The following EMC2 variants were observed in gnomAD, a reference collection of about 807,000 sequenced individuals.
EMC2 encodes ER membrane protein complex subunit 2.
A neutral mutation model predicts 51.6 loss-of-function variants in EMC2; 37 were observed. The ratio of observed to expected loss-of-function variants is 0.72; its 90% CI spans 0.55 to 0.94. The LOEUF is 0.94. Among genes scored for constraint, EMC2 ranks in the 40% least tolerant of loss-of-function variants. EMC2 has a pLI of 0.00. For synonymous variants in EMC2, 131 were observed against 112.4 expected (o/e 1.17, Z -1.04); for missense variants, 359 against 350.9 (o/e 1.02, Z -0.18).
At chr8:108,456,292 C>T (rs1466336458) in intron 5 of EMC2, among the ~76,000 whole-genome samples, 3 of 126,040 alleles carry the variant, frequency 2.4e-5, no homozygotes, top group Non-Finnish European at 4.7e-5. Context: ...GAGATTACGC[C>T]ACTACACTCC....
intron 10 of EMC2, among the ~76,000 whole-genome samples, chr8:108,482,199 G>A (rs190334753): frequency 4.6e-5 from 7 of 152,290 alleles, no homozygotes; most frequent in Admixed American, 4.6e-4. Flanking sequence ...TCTGGTACAT[G>A]TGTAGAGTGG....
At chr8:108,459,977 T>C (rs1024495244) in intron 5 of EMC2, among the ~76,000 whole-genome samples, 5 of 152,200 alleles carry the variant, frequency 3.3e-5, no homozygotes, top group Admixed American at 2.0e-4. Flanking sequence ...CTTACTGTCT[T>C]AGTTCAACAA....
chr8:108,446,930 A>C (rs1818890509), intron 1 of EMC2, among the ~76,000 whole-genome samples: 2 of 152,158 alleles, frequency 1.3e-5, no homozygotes, highest in Admixed American at 1.3e-4. Flanking sequence ...TTATATTTTC[A>C]TACACAGTGT....
chr8:108,478,995 TTTG>T lies in EMC2; in HGVS notation c.703-8_703-6del, dbSNP rs1810998439. 1.3e-6 allele frequency: 2 copies of T among 1,524,574 alleles called. No homozygotes were observed. Among genetic ancestry groups the T allele is most frequent in the Non-Finnish European group, 1.8e-6 (2 of 1,132,018 alleles). 94.4% of individuals were successfully genotyped at this position (1,524,574 alleles called of 1,614,324 possible). On this transcript the variant is annotated splice_polypyrimidine_tract_variant and splice_region_variant and intron_variant, in intron 9 of 10. Coordinates refer to ENST00000220853, the MANE Select transcript of EMC2 (RefSeq NM_014673.5). ...AGGAATTTTGCTTTTGATGTTTTTA[TTTG>T]TTTTTAGTCGGCAAGTCATATTGCT... is the stretch of plus-strand genomic sequence containing the variant.
intron 5 of EMC2, among the ~76,000 whole-genome samples, chr8:108,458,698 TC>T (rs1384457163): frequency 1.3e-5 from 2 of 152,098 alleles, no homozygotes; most frequent in African/African-American, 4.8e-5. Context: ...AACTACCTTT[TC>T]CTCCTAGGAC....
chr8:108,482,132 A>G (rs1361745540), intron 10 of EMC2, among the ~76,000 whole-genome samples: 1 of 152,154 alleles, frequency 6.6e-6, no homozygotes, highest in Non-Finnish European at 1.5e-5. Context: ...TAAGAGTTCT[A>G]ATAGCCCCAC....
intron 10 of EMC2, among the ~76,000 whole-genome samples, chr8:108,483,525 C>T (rs1169399911): frequency 2.0e-5 from 3 of 152,198 alleles, no homozygotes; most frequent in African/African-American, 7.2e-5. Context: ...TTTCACTCAG[C>T]ATGTTTTTGA....
chr8:108,454,399 C>T (rs1819104923), intron 4 of EMC2, among the ~76,000 whole-genome samples: 1 of 151,900 alleles, frequency 6.6e-6, no homozygotes, highest in Non-Finnish European at 1.5e-5. Context: ...AAATAGCTGT[C>T]TGAGAGTTTG....
At chr8:108,452,101 C>A (rs948569709) in intron 3 of EMC2, among the ~76,000 whole-genome samples, 1 of 152,118 alleles carries the variant, frequency 6.6e-6, no homozygotes, top group Non-Finnish European at 1.5e-5. Flanking sequence ...CTAGGACTTC[C>A]AAAACTTTGA....
chr8:108,474,208 T>C (rs1409440096), intron 7 of EMC2: 1 of 151,996 alleles, frequency 6.6e-6, no homozygotes, highest in African/African-American at 2.4e-5. Flanking sequence ...CCATTTTATC[T>C]TGCTTTATGC....
chr8:108,446,639 G>T (rs921802646), intron 1 of EMC2, among the ~76,000 whole-genome samples: 1 of 152,184 alleles, frequency 6.6e-6, no homozygotes, highest in Non-Finnish European at 1.5e-5. Context: ...ACATTGGGAA[G>T]GGAGGCCATA....
intron 10 of EMC2, among the ~76,000 whole-genome samples, chr8:108,482,627 C>T (rs904061638): frequency 7.2e-5 from 11 of 151,914 alleles, no homozygotes; most frequent in African/African-American, 2.7e-4. Flanking sequence ...TTCTGTTGCC[C>T]AGGCTGGAGT....
chr8:108,485,207 A>G (rs1811111684), intron 10 of EMC2, among the ~76,000 whole-genome samples: 1 of 151,624 alleles, frequency 6.6e-6, no homozygotes, highest in Non-Finnish European at 1.5e-5. Context: ...AGGTCATGAG[A>G]AGTTTGCCAA....
At chr8:108,462,089 G>T (rs150605644) in intron 5 of EMC2, among the ~76,000 whole-genome samples, 220 of 152,326 alleles carry the variant, frequency 1.4e-3, no homozygotes, top group African/African-American at 5.0e-3. Flanking sequence ...TTATAGGCAT[G>T]AGCCAATGCG....
intron 3 of EMC2, among the ~76,000 whole-genome samples, chr8:108,451,676 G>GT (rs34526331): frequency 0.52 from 78,517 of 151,834 alleles, 20,725 homozygotes; most frequent in Middle Eastern, 0.61. Flanking sequence ...AGAGGTGACC[G>GT]TTTTATGTCT....
intron 1 of EMC2, among the ~76,000 whole-genome samples, chr8:108,445,614 A>C (rs1818860364): frequency 6.6e-6 from 1 of 152,028 alleles, no homozygotes; most frequent in South Asian, 2.1e-4. Context: ...AAAAAACCCA[A>C]ACAATAAAAT....
At chr8:108,447,307 G>A (rs1818900737) in intron 1 of EMC2, among the ~76,000 whole-genome samples, 2 of 145,684 alleles carry the variant, frequency 1.4e-5, no homozygotes, top group Admixed American at 7.2e-5. Context: ...TACGTCTTCT[G>A]GAGCTCTGTG....
At chr8:108,485,877 T>C (rs1356148745) in intron 10 of EMC2, among the ~76,000 whole-genome samples, 2 of 151,820 alleles carry the variant, frequency 1.3e-5, no homozygotes, top group African/African-American at 4.8e-5. Flanking sequence ...GTAAATAAAT[T>C]ACAATTAATA....
intron 1 of EMC2, among the ~76,000 whole-genome samples, chr8:108,445,971 C>T (rs191862431): frequency 1.5e-3 from 225 of 152,188 alleles, no homozygotes; most frequent in African/African-American, 4.5e-3. Flanking sequence ...TTAGAGAAGC[C>T]TTCTCTGACC....
Sources: gnomAD v4.1 joint callset for allele counts (sites outside exome capture counted in the v4.1 genomes callset) on GRCh38, gnomAD v4.1.1 for gene constraint, MANE v1.5 for transcripts, NCBI Gene and HGNC (gene_info 2026-07-23, HGNC 2026-07-21) for gene names.